Variants in NXN observed in about 807,000 individuals in gnomAD.
NXN encodes nucleoredoxin 1.
A neutral mutation model predicts 48.6 loss-of-function variants in NXN; 16 were observed. That is an observed-to-expected ratio of 0.33 (90% confidence interval 0.22 to 0.50). The LOEUF (loss-of-function observed/expected upper bound fraction) is 0.50. Among genes scored for constraint, NXN ranks in the 20% least tolerant of loss-of-function variants. NXN has a pLI of 0.98. For missense variants in NXN, 492 were observed against 605.5 expected, an observed-to-expected ratio of 0.81 and a Z score of 1.97; for synonymous variants, 281 against 269.6, an observed-to-expected ratio of 1.04 and a Z score of -0.41.
chr17:812,127 C>T (rs958364343), intron 5 of NXN, among the ~76,000 whole-genome samples: 1 of 150,428 alleles, frequency 6.6e-6, no homozygotes, highest in Non-Finnish European at 1.5e-5. Flanking sequence ...CGGGGTTTCA[C>T]CGTGTTAGCC....
chr17:882,463 T>TG (rs1161178302), intron 1 of NXN, among the ~76,000 whole-genome samples: 2 of 151,586 alleles, frequency 1.3e-5, no homozygotes, highest in East Asian at 1.9e-4. Flanking sequence ...TTCTTTTGTT[T>TG]GTTTTGTTTT....
intron 1 of NXN, among the ~76,000 whole-genome samples, chr17:852,886 G>A (rs2067939708): frequency 6.6e-6 from 1 of 152,094 alleles, no homozygotes; most frequent in South Asian, 2.1e-4. Flanking sequence ...ATTTCCCCAG[G>A]ACACCTCAGA....
rs75776930 is a variant in NXN at position 914,600 on chromosome 17, A to T, written c.360+64719T>A. On this transcript the variant is annotated intron_variant, in intron 1 of 7. Transcript: ENST00000336868. ...GAGGAGACAGGAATATACACAATTC[A>T]ACAAACATGTATGAAATGCTACCTT... Among the ~76,000 whole-genome samples, 1,177 of 152,350 alleles carry T rather than the reference A, an allele frequency of 7.7e-3. 7 individuals carry two copies. Among genetic ancestry groups the T allele is most frequent in the Middle Eastern group, 0.034 (10 of 294 alleles).
At chr17:823,849 T>C in intron 2 of NXN, 84 bp from the exon 3 acceptor site, 1 of 1,442,082 alleles carries the variant, frequency 6.9e-7, no homozygotes. Context: ...CGGTTAAGAC[T>C]CTTCTTGATG....
At chr17:955,158 CTT>C (rs906822992) in intron 1 of NXN, among the ~76,000 whole-genome samples, 5 of 142,564 alleles carry the variant, frequency 3.5e-5, no homozygotes, top group Non-Finnish European at 7.5e-5. Context: ...ATGCTCATCT[CTT>C]TCTTTTTTTT....
intron 1 of NXN, among the ~76,000 whole-genome samples, chr17:950,570 G>C (rs1417170418): frequency 6.6e-6 from 1 of 151,628 alleles, no homozygotes; most frequent in Non-Finnish European, 1.5e-5. Context: ...GTTCAGGGGT[G>C]GGTGGGGTGC....
chr17:863,669 C>T (rs1213681488), intron 1 of NXN, among the ~76,000 whole-genome samples: 1 of 152,026 alleles, frequency 6.6e-6, no homozygotes, highest in Non-Finnish European at 1.5e-5. Context: ...CTCTATGTTG[C>T]CCACGCTGGT....
chr17:903,662 C>T (rs777994518), intron 1 of NXN, among the ~76,000 whole-genome samples: 17 of 152,218 alleles, frequency 1.1e-4, no homozygotes, highest in Non-Finnish European at 1.9e-4. Context: ...GGATTCCAGG[C>T]GTGAGCCAGG....
intron 1 of NXN, among the ~76,000 whole-genome samples, chr17:865,114 G>A (rs1052483626): frequency 2.6e-5 from 4 of 152,176 alleles, no homozygotes; most frequent in African/African-American, 4.8e-5. Flanking sequence ...TTTCTCGCTC[G>A]ATATTGTCCA....
chr17:909,837 C>G (rs1264353151), intron 1 of NXN: 1 of 152,062 alleles, frequency 6.6e-6, no homozygotes, highest in Non-Finnish European at 1.5e-5. Flanking sequence ...CGCGCCCGGC[C>G]GGAAATGAGT....
chr17:854,599 G>A (rs2067965251), intron 1 of NXN, among the ~76,000 whole-genome samples: 1 of 148,962 alleles, frequency 6.7e-6, no homozygotes, highest in Non-Finnish European at 1.5e-5. Context: ...AGCTTGCAGT[G>A]AGCTGAGATT....
intron 5 of NXN, among the ~76,000 whole-genome samples, chr17:809,864 C>T (rs1269815607): frequency 1.3e-5 from 2 of 151,666 alleles, no homozygotes; most frequent in South Asian, 2.1e-4. Flanking sequence ...GGGCACCTTA[C>T]GAGTCAGTGT....
At position 978,414 on chromosome 17, in the gene NXN, T is replaced by C. The variant is rs1048148439; in HGVS notation, c.360+905A>G. 1.3e-5 allele frequency: 2 copies of C among 150,174 alleles called. No individual in the cohort carries two copies. Among genetic ancestry groups the C allele is most frequent in the African/African-American group, 5.0e-5 (2 of 40,250 alleles). 9.3% of individuals were successfully genotyped at this position (150,174 alleles called of 1,614,324 possible). A position where few individuals can be genotyped will look rare whatever the true frequency, so the allele number is the denominator to read the frequency against. On this transcript the variant is annotated intron_variant, in intron 1 of 7. Coordinates refer to ENST00000336868, the MANE Select transcript of NXN (RefSeq NM_022463.5). The surrounding 1 kb of genome is among the most constrained non-coding windows in gnomAD (Gnocchi z 4.1). ...GCAGCAAACTGGGAGACACGAGAAGTTGACAGCAAAGTATCCATTTCCCCA... is the reference window on the plus strand; with the variant it reads ...GCAGCAAACTGGGAGACACGAGAAGCTGACAGCAAAGTATCCATTTCCCCA...
At chr17:877,214 C>G (rs1597686011) in intron 1 of NXN, among the ~76,000 whole-genome samples, 1 of 152,000 alleles carries the variant, frequency 6.6e-6, no homozygotes, top group East Asian at 2.0e-4. Context: ...GTGGCATGAT[C>G]TCGGCTCACT....
At chr17:968,575 A>G (rs982875125) in intron 1 of NXN, among the ~76,000 whole-genome samples, 1 of 152,186 alleles carries the variant, frequency 6.6e-6, no homozygotes, top group Non-Finnish European at 1.5e-5. Context: ...TCTCACACAA[A>G]CAAGCAAACA....
intron 5 of NXN, among the ~76,000 whole-genome samples, chr17:805,689 C>T (rs1427015179): frequency 5.3e-5 from 8 of 151,894 alleles, no homozygotes; most frequent in Non-Finnish European, 2.9e-5. Flanking sequence ...AATACAAAAA[C>T]TAGCTGGGCG....
chr17:922,379 GGTT>G (rs1326689177), intron 1 of NXN, among the ~76,000 whole-genome samples: 1 of 152,090 alleles, frequency 6.6e-6, no homozygotes, highest in Non-Finnish European at 1.5e-5. Context: ...GGGAGGCAGA[GGTT>G]GTGGTGAGCC....
In NXN at chr17:934,045, C is replaced by A. The variant is rs1413259256; in HGVS notation, c.360+45274G>T. On this transcript the variant is annotated intron_variant, in intron 1 of 7. Coordinates refer to ENST00000336868, the MANE Select transcript of NXN (RefSeq NM_022463.5). The stretch of plus-strand genomic sequence containing the variant: ...AAACTTCAATTAATTTTTAAAAAGG[C>A]ATTTTATTTTTCACTTTATGATTAT... Among the ~76,000 whole-genome samples the A allele has an allele frequency of 3.3e-5, 5 of 152,194 alleles. No individual in the cohort carries two copies. The East Asian group carries it at 9.6e-4, about 29-fold the overall frequency.
chr17:810,258 T>C (rs867252136), intron 5 of NXN, among the ~76,000 whole-genome samples: 3 of 124,398 alleles, frequency 2.4e-5, no homozygotes, highest in Admixed American at 8.2e-5. Context: ...AGTCTGTGAG[T>C]GGCGTGCACG....
Sources: allele counts gnomAD v4.1 joint callset (sites outside exome capture counted in the v4.1 genomes callset), GRCh38; gene constraint gnomAD v4.1.1; non-coding constraint Gnocchi (gnomAD v3.1); transcripts MANE v1.5; gene names NCBI Gene and HGNC (gene_info 2026-07-23, HGNC 2026-07-21).